Variants in PCDHA6 observed in about 807,000 individuals in gnomAD.
The protein encoded by PCDHA6 is protocadherin alpha-6.
In PCDHA6, 55 loss-of-function variants were observed where a neutral mutation model predicts 60.3. The observed-to-expected ratio is 0.91, with a 90% confidence interval of 0.73 to 1.14. The LOEUF is 1.14. Ranked by LOEUF, PCDHA6 falls within the 50% of genes most tolerant of loss-of-function variation. The pLI is 0.00. For missense variants in PCDHA6, 1,327 were observed against 1,256.5 expected, an observed-to-expected ratio of 1.06 and a Z score of -0.85; for synonymous variants, 652 against 557.9, an observed-to-expected ratio of 1.17 and a Z score of -2.38.
At chr5:140,929,484 T>G (rs1445028927) in intron 1 of PCDHA6, 9 of 1,156,262 alleles carry the variant, frequency 7.8e-6, no homozygotes, top group Non-Finnish European at 1.0e-5. Flanking sequence ...AGTATAGAAG[T>G]ATTAGAAGAT....
chr5:140,835,863 CT>C (rs1338277254), intron 1 of PCDHA6: 1 of 1,612,100 alleles, frequency 6.2e-7, no homozygotes, highest in Non-Finnish European at 8.5e-7. Flanking sequence ...GTCCTACTCG[CT>C]GGTGGAGCTG....
At chr5:140,955,008 C>T (rs1393836611) in intron 1 of PCDHA6, among the ~76,000 whole-genome samples, 2 of 152,142 alleles carry the variant, frequency 1.3e-5, no homozygotes, top group Non-Finnish European at 2.9e-5. Flanking sequence ...CCAATTCTCC[C>T]AGCACCATTT....
intron 1 of PCDHA6, chr5:140,870,649 G>T (rs533111347): frequency 1.2e-6 from 2 of 1,612,592 alleles, no homozygotes; most frequent in Non-Finnish European, 1.7e-6. Flanking sequence ...GAGCGGCAAG[G>T]TGTACGCGCT....
At chr5:140,843,431 A>G (rs1554140071) in intron 1 of PCDHA6, 3 of 1,596,040 alleles carry the variant, frequency 1.9e-6, no homozygotes, top group South Asian at 1.1e-5. Flanking sequence ...GATCATCGCC[A>G]TCTGCGCGGT....
In PCDHA6 at chr5:140,883,118, C is replaced by G. The variant is rs370331206; in HGVS notation, c.2394+52633C>G. ...AGATATAGTTTACTCATTTAGAAGG[C>G]CTGTATGGCCTGCAGTGGTATATGC... On this transcript the variant is annotated intron_variant, in intron 1 of 3. Coordinates refer to ENST00000529310, the MANE Select transcript of PCDHA6 (RefSeq NM_018909.4). The G allele has an allele frequency of 8.7e-6, 14 of 1,613,882 alleles. No individual in the cohort carries two copies. Among genetic ancestry groups the G allele is most frequent in the Non-Finnish European group, 1.2e-5 (14 of 1,180,016 alleles).
At chr5:140,969,522 T>C in intron 1 of PCDHA6, 5 of 1,397,290 alleles carry the variant, frequency 3.6e-6, no homozygotes, top group Non-Finnish European at 4.7e-6. Context: ...AAGAATTGTT[T>C]TATTTTTCAT....
intron 1 of PCDHA6, among the ~76,000 whole-genome samples, chr5:140,958,399 T>C (rs1554223458): frequency 6.6e-6 from 1 of 152,178 alleles, no homozygotes; most frequent in African/African-American, 2.4e-5. Flanking sequence ...CATCAAACAT[T>C]ATCACTGATG....
rs1338866234 is a variant in PCDHA6 at position 141,009,892 on chromosome 5, GAA to G, written c.2813_2814del (p.Lys938ArgfsTer8). ...AGAAGAAGGGTAACAAGACCCAGGA[GAA>G]AAAAGAGAAAGGGAACAGCACGACT... ...KKKKGNKTQE[K>X]KEKGNSTTDN... On this transcript the variant is annotated frameshift_variant, in exon 4 of 4. Coordinates refer to ENST00000529310, the MANE Select transcript of PCDHA6 (RefSeq NM_018909.4). LOFTEE classifies it high-confidence loss of function. The G allele has an allele frequency of 3.7e-6, 6 of 1,612,022 alleles. No individual in the cohort carries two copies. The Admixed American group carries it at 1.0e-4, about 27-fold the overall frequency.
At chr5:140,927,494 T>C (rs1235909927) in intron 1 of PCDHA6, 5 of 1,614,018 alleles carry the variant, frequency 3.1e-6, no homozygotes, top group Non-Finnish European at 4.2e-6. Context: ...ACCCACCTGC[T>C]GGTGCTTACA....
At chr5:140,952,621 T>C (rs1002649302) in intron 1 of PCDHA6, among the ~76,000 whole-genome samples, 3 of 152,168 alleles carry the variant, frequency 2.0e-5, no homozygotes, top group Admixed American at 2.0e-4. Context: ...TCATCTTCCC[T>C]CCACACTATT....
intron 3 of PCDHA6, among the ~76,000 whole-genome samples, chr5:141,007,519 T>A (rs1554261363): frequency 6.6e-6 from 1 of 151,934 alleles, no homozygotes; most frequent in African/African-American, 2.4e-5. Context: ...AGTGAGCTGA[T>A]ATCTCGCCAC....
chr5:140,943,465 G>C (rs1332571516), intron 1 of PCDHA6, among the ~76,000 whole-genome samples: 3 of 152,022 alleles, frequency 2.0e-5, no homozygotes, highest in African/African-American at 7.2e-5. Context: ...CTAAATGTGG[G>C]AGATACAGTA....
intron 1 of PCDHA6, among the ~76,000 whole-genome samples, chr5:140,925,685 G>A (rs1584406507): frequency 7.3e-6 from 1 of 137,694 alleles, no homozygotes; most frequent in South Asian, 2.3e-4. Flanking sequence ...ATAAAGCGAG[G>A]GTGGGTATCT....
chr5:141,009,545 A>G, intron 3 of PCDHA6, 82 bp from the exon 4 acceptor site: 2 of 1,535,938 alleles, frequency 1.3e-6, no homozygotes, highest in Non-Finnish European at 1.8e-6. Flanking sequence ...CTGCCTATGC[A>G]GTACTCCTGT....
chr5:140,884,454 A>G, intron 1 of PCDHA6: 2 of 1,613,688 alleles, frequency 1.2e-6, no homozygotes, highest in Non-Finnish European at 1.7e-6. Flanking sequence ...CCGCCCACCG[A>G]GGGCGCGTGC....
intron 1 of PCDHA6, among the ~76,000 whole-genome samples, chr5:140,978,464 C>T (rs1281042342): frequency 5.3e-5 from 8 of 152,226 alleles, no homozygotes; most frequent in Non-Finnish European, 2.9e-5. Flanking sequence ...CGCCCTGGGT[C>T]AAATATGCTG....
chr5:140,959,320 A>C (rs2095480939), intron 1 of PCDHA6, among the ~76,000 whole-genome samples: 1 of 152,108 alleles, frequency 6.6e-6, no homozygotes, highest in Non-Finnish European at 1.5e-5. Context: ...AGCTGCAATA[A>C]GTTTTGATTA....
rs1347571265 is a variant in PCDHA6, at chr5:140,848,315, C to T, written c.2394+17830C>T. On this transcript the variant is annotated intron_variant, in intron 1 of 3. Transcript: ENST00000529310. ...GGCCACGTGATGTCACTCTTTGCCG[C>T]GATGTTCTCTCTGAATCCAGACAAA... is the stretch of plus-strand genomic sequence containing the variant. 5.4e-6 allele frequency: 4 copies of T among 741,056 alleles called. 1 individual carries two copies. Among genetic ancestry groups the T allele is most frequent in the East Asian group, 5.0e-5 (2 of 40,334 alleles). 45.9% of individuals were successfully genotyped at this position (741,056 alleles called of 1,614,324 possible).
intron 1 of PCDHA6, chr5:140,871,297 G>A (rs781824958): frequency 5.6e-6 from 9 of 1,613,778 alleles, no homozygotes; most frequent in African/African-American, 5.3e-5. Context: ...GGGCGCGTGC[G>A]CGCCGGGGAA....
Sources: allele counts gnomAD v4.1 joint callset (sites outside exome capture counted in the v4.1 genomes callset), GRCh38; gene constraint gnomAD v4.1.1; transcripts MANE v1.5; gene names NCBI Gene and HGNC (gene_info 2026-07-23, HGNC 2026-07-21).